Variants in NUP160 observed in about 807,000 individuals in gnomAD.
NUP160 encodes the protein nucleoporin 160, also known as nuclear pore complex protein Nup160.
A neutral mutation model predicts 196.9 loss-of-function variants in NUP160; 94 were observed. The ratio of observed to expected loss-of-function variants is 0.48; its 90% CI spans 0.40 to 0.57. The LOEUF (loss-of-function observed/expected upper bound fraction) is 0.57, where lower values mean the gene tolerates loss of function less well. NUP160 is among the 20% of genes least tolerant of loss of function. The pLI is 0.00. For synonymous variants in NUP160, 605 were observed against 619.7 expected (o/e 0.98, Z 0.35); for missense variants, 1,638 against 1,748.3 (o/e 0.94, Z 1.13).
intron 21 of NUP160, 124 bp downstream of exon 21, chr11:47,804,424 CT>C: frequency 1.5e-6 from 1 of 667,874 alleles, no homozygotes; most frequent in South Asian, 2.0e-5. Context: ...TGGGGTATGT[CT>C]TCACATAATC....
chr11:47,817,927 T>C, intron 11 of NUP160, 129 bp downstream of exon 11: 1 of 549,370 alleles, frequency 1.8e-6, no homozygotes, highest in Non-Finnish European at 3.3e-6. Context: ...TAAAAGTATT[T>C]ACAAACACAC....
intron 17 of NUP160, among the ~76,000 whole-genome samples, chr11:47,810,441 T>C (rs1408247529): frequency 6.6e-6 from 1 of 152,122 alleles, no homozygotes; most frequent in African/African-American, 2.4e-5. Context: ...CCAGGCCACC[T>C]TGGCCTCCCA....
At chr11:47,826,563 C>CG (rs1179389983) in intron 7 of NUP160, among the ~76,000 whole-genome samples, 1 of 149,850 alleles carries the variant, frequency 6.7e-6, no homozygotes, top group Non-Finnish European at 1.5e-5. Context: ...GTAAAAATCC[C>CG]CCCCCCCTTT....
chr11:47,821,684 C>T (rs1427998897), intron 9 of NUP160, 40 bp downstream of exon 9: 1 of 1,463,150 alleles, frequency 6.8e-7, no homozygotes, highest in Non-Finnish European at 9.6e-7. Flanking sequence ...CATGAAATTG[C>T]TTGGGGTGAG....
At chr11:47,824,052 T>TATAC (rs1391609379) in intron 7 of NUP160, among the ~76,000 whole-genome samples, 1,356 of 93,042 alleles carry the variant, frequency 0.015, 12 homozygotes, top group Non-Finnish European at 0.02. Flanking sequence ...TATATATATA[T>TATAC]ACACACACAC....
At chr11:47,848,185 G>T (rs867185400) in intron 1 of NUP160, 34 bp downstream of exon 1, 1 of 1,609,998 alleles carries the variant, frequency 6.2e-7, no homozygotes, top group Middle Eastern at 1.7e-4. Context: ...CGAGGGGACA[G>T]ATGGGATCGC....
chr11:47,794,978 G>A (rs1043668219), intron 27 of NUP160, among the ~76,000 whole-genome samples: 2 of 152,028 alleles, frequency 1.3e-5, no homozygotes, highest in Non-Finnish European at 2.9e-5. Flanking sequence ...GTAGGTGCCT[G>A]TAATCCCAGC....
intron 25 of NUP160, 28 bp from the exon 26 acceptor site, chr11:47,798,102 C>G (rs2097671914): frequency 1.3e-6 from 2 of 1,539,058 alleles, no homozygotes; most frequent in African/African-American, 1.4e-5. Context: ...AATATGAGGG[C>G]AAACTATCTT....
exon 5 of NUP160, chr11:47,837,621 T>C (rs1344450668): frequency 1.9e-6 from 3 of 1,613,216 alleles, no homozygotes; most frequent in African/African-American, 2.7e-5. Context: ...ACTGACACCA[T>C]ACCTGCAATG....
intron 17 of NUP160, among the ~76,000 whole-genome samples, chr11:47,811,679 A>G (rs923059408): frequency 2.0e-5 from 3 of 152,034 alleles, no homozygotes; most frequent in African/African-American, 7.2e-5. Context: ...GTTTTTTAAA[A>G]TCTACTGTTA....
At chr11:47,815,444 T>G in intron 13 of NUP160, 35 bp downstream of exon 13, 1 of 1,514,370 alleles carries the variant, frequency 6.6e-7, no homozygotes, top group Non-Finnish European at 8.8e-7. Context: ...CTGAACTGTC[T>G]CAAGAAGGTC....
intron 7 of NUP160, among the ~76,000 whole-genome samples, chr11:47,833,109 A>T (rs549294816): frequency 6.6e-6 from 1 of 152,306 alleles, no homozygotes; most frequent in East Asian, 1.9e-4. Context: ...AAACTCATTG[A>T]ATGGTATACT....
rs749257567 is a variant in NUP160, at chr11:47,808,451, AATAAG to A, written c.2315_2319del (p.Ser772LeufsTer4). ...CACTCACTTCCCCATTTAATGAGGT[AATAAG>A]ATAAGAGTAGGGGAGCTGTTCGATG... On this transcript the variant is annotated frameshift_variant, in exon 18 of 36. Coordinates refer to ENST00000378460, the Ensembl canonical transcript of NUP160. LOFTEE classifies it high-confidence loss of function. The A allele has an allele frequency of 6.8e-6, 11 of 1,613,706 alleles. No individual in the cohort carries two copies. Among genetic ancestry groups the A allele is most frequent in the Middle Eastern group, 1.6e-4 (1 of 6,084 alleles).
intron 34 of NUP160, among the ~76,000 whole-genome samples, chr11:47,782,327 T>A (rs1278408018): frequency 0.12 from 4,044 of 33,352 alleles, 1,028 homozygotes; most frequent in African/African-American, 0.28. Context: ...TATATATATA[T>A]ATATATATAT....
chr11:47,783,155 TCATAGTTTAAGTATAAACGAAG>T lies in NUP160; in HGVS notation c.4012_4033del (p.Leu1338ThrfsTer3), dbSNP rs1407387996. The T allele has an allele frequency of 1.9e-6, 3 of 1,613,768 alleles. No individual in the cohort carries two copies. The African/African-American group carries it at 4.0e-5, about 22-fold the overall frequency. ...CAAATCCACAGCTTCTTCTAAAAGG[TCATAGTTTAAGTATAAACGAAG>T]CAATTCAGCAGCATCAACCTTCTGT... On this transcript the variant is annotated frameshift_variant, in exon 34 of 36. Coordinates refer to ENST00000378460, the Ensembl canonical transcript of NUP160. LOFTEE classifies it high-confidence loss of function.
chr11:47,834,157 A>G (rs568227568), intron 7 of NUP160, among the ~76,000 whole-genome samples: 32 of 152,220 alleles, frequency 2.1e-4, no homozygotes, highest in Non-Finnish European at 2.9e-4. Flanking sequence ...AATTATAGGT[A>G]TAACCCATAT....
At chr11:47,833,353 G>C (rs1852111025) in intron 7 of NUP160, among the ~76,000 whole-genome samples, 1 of 151,982 alleles carries the variant, frequency 6.6e-6, no homozygotes, top group Admixed American at 6.6e-5. Context: ...CACTGTGGAG[G>C]CTGATGAAGG....
At chr11:47,847,648 TG>T (rs56283744) in intron 2 of NUP160, among the ~76,000 whole-genome samples, 199 bp downstream of exon 2, 30,205 of 78,294 alleles carry the variant, frequency 0.39, 2,784 homozygotes, top group South Asian at 0.5. Flanking sequence ...TGTGTGGGGG[TG>T]GGGGGGGGGA....
intron 12 of NUP160, 82 bp downstream of exon 12, chr11:47,815,864 T>G: frequency 8.8e-7 from 1 of 1,130,760 alleles, no homozygotes; most frequent in Non-Finnish European, 1.3e-6. Context: ...AAGTGAAGAA[T>G]TCCAGTAATT....
Sources: gnomAD v4.1 joint callset for allele counts (sites outside exome capture counted in the v4.1 genomes callset) on GRCh38, gnomAD v4.1.1 for gene constraint, MANE v1.5 for transcripts, NCBI Gene and HGNC (gene_info 2026-07-23, HGNC 2026-07-21) for gene names.